C12orf42: variants seen among roughly 807,000 people sequenced by gnomAD.
C12orf42 encodes the protein uncharacterized protein C12orf42.
A neutral mutation model predicts 21.6 loss-of-function variants in C12orf42; 25 were observed. That is an observed-to-expected ratio of 1.16 (90% confidence interval 0.84 to 1.62). The LOEUF (loss-of-function observed/expected upper bound fraction) is 1.62. C12orf42 is among the 40% of genes most tolerant of loss of function. The pLI is 0.00. For synonymous variants in C12orf42, 174 were observed against 175.0 expected (o/e 0.99, Z 0.05); for missense variants, 483 against 459.3 (o/e 1.05, Z -0.47).
chr12:103,164,778 T>G, the C12orf42 span: 1 of 447,634 alleles, frequency 2.2e-6, no homozygotes, highest in Non-Finnish European at 4.5e-6. Context: ...GCTTTGATTC[T>G]GTCGTATTGA....
At chr12:103,207,613 C>A in the C12orf42 span, among the ~76,000 whole-genome samples, 1 of 152,122 alleles carries the variant, frequency 6.6e-6, no homozygotes, top group Non-Finnish European at 1.5e-5. Context: ...TGCTGGAAAA[C>A]GACTCTGCTT....
intron 2 of C12orf42, among the ~76,000 whole-genome samples, chr12:103,453,572 CTCTTA>C (rs1263858886): frequency 6.6e-6 from 1 of 151,908 alleles, no homozygotes; most frequent in African/African-American, 2.4e-5. Flanking sequence ...TTAATTTCTG[CTCTTA>C]TCTTTATCTC....
chr12:103,232,815 A>AT (rs539983785), downstream of C12orf42, among the ~76,000 whole-genome samples: 112 of 151,592 alleles, frequency 7.4e-4, no homozygotes, highest in Non-Finnish European at 1.4e-3. Flanking sequence ...GTCTAGGTTC[A>AT]TTTTTTTTGC....
chr12:103,453,538 C>A (rs530937733), intron 2 of C12orf42, among the ~76,000 whole-genome samples: 8 of 151,906 alleles, frequency 5.3e-5, no homozygotes, highest in Non-Finnish European at 2.9e-5. Flanking sequence ...GTTTAATGAG[C>A]TTTTCTGTTT....
At chr12:103,289,977 G>A (rs2036693198) in intron 4 of C12orf42, among the ~76,000 whole-genome samples, 1 of 152,112 alleles carries the variant, frequency 6.6e-6, no homozygotes, top group Admixed American at 6.5e-5. Context: ...AAAAGGGGAA[G>A]GAAGGGTAAG....
chr12:103,145,530 T>C, the C12orf42 span, among the ~76,000 whole-genome samples: 1 of 152,328 alleles, frequency 6.6e-6, no homozygotes, highest in Admixed American at 6.5e-5. Flanking sequence ...GGTAGAAGAT[T>C]AAATTGATAC....
intron 4 of C12orf42, among the ~76,000 whole-genome samples, chr12:103,296,066 A>G (rs981090964): frequency 7.5e-6 from 1 of 133,988 alleles, no homozygotes; most frequent in Non-Finnish European, 1.5e-5. Flanking sequence ...TCCTGTGTCC[A>G]AGTGTTCTCA....
the C12orf42 span, among the ~76,000 whole-genome samples, chr12:103,051,290 A>T: frequency 2.6e-5 from 4 of 152,198 alleles, no homozygotes; most frequent in African/African-American, 9.7e-5. Flanking sequence ...CATTTCTTAG[A>T]AGCACAAGCA....
At chr12:103,324,685 A>G (rs1325103414) in intron 4 of C12orf42, among the ~76,000 whole-genome samples, 1 of 152,092 alleles carries the variant, frequency 6.6e-6, no homozygotes, top group Non-Finnish European at 1.5e-5. Context: ...ACAAGTGCTC[A>G]TTTTTCCCTG....
At chr12:103,258,445 C>T (rs1490222463) in intron 10 of C12orf42, among the ~76,000 whole-genome samples, 1 of 151,962 alleles carries the variant, frequency 6.6e-6, no homozygotes, top group Admixed American at 6.6e-5. Flanking sequence ...CACCACATCA[C>T]CATTATACCA....
chr12:103,240,186 TTTC>T (rs1171312483), intron 10 of C12orf42, among the ~76,000 whole-genome samples: 1 of 152,184 alleles, frequency 6.6e-6, no homozygotes, highest in Non-Finnish European at 1.5e-5. Context: ...TCACCATGTA[TTTC>T]TTATTTGGAT....
intron 3 of C12orf42, among the ~76,000 whole-genome samples, chr12:103,387,637 A>G (rs868843910): frequency 1.3e-5 from 2 of 152,212 alleles, no homozygotes; most frequent in South Asian, 4.1e-4. Context: ...CCCATTGTAC[A>G]TTTAAACAGA....
At chr12:103,223,195 T>G in the C12orf42 span, among the ~76,000 whole-genome samples, 3 of 152,102 alleles carry the variant, frequency 2.0e-5, no homozygotes, top group African/African-American at 7.2e-5. Context: ...CGAAAATTTT[T>G]GGGGGGTGGT....
intron 2 of C12orf42, among the ~76,000 whole-genome samples, chr12:103,452,268 G>C (rs1011532060): frequency 8.5e-5 from 13 of 152,152 alleles, no homozygotes; most frequent in African/African-American, 2.9e-4. Context: ...GATTCCAAAA[G>C]CATGGAAGCA....
At chr12:103,484,432 A>G (rs1954679165) in intron 1 of C12orf42, among the ~76,000 whole-genome samples, 1 of 151,968 alleles carries the variant, frequency 6.6e-6, no homozygotes, top group Non-Finnish European at 1.5e-5. Context: ...GCATTTTTTT[A>G]TGTGTCTCTT....
At chr12:103,336,326 G>A (rs981168503) in intron 4 of C12orf42, among the ~76,000 whole-genome samples, 1 of 152,186 alleles carries the variant, frequency 6.6e-6, no homozygotes, top group Non-Finnish European at 1.5e-5. Context: ...CAGAAAGGCA[G>A]CTGATCTGGT....
the C12orf42 span, chr12:103,505,957 C>G: frequency 6.1e-6 from 1 of 164,354 alleles, no homozygotes; most frequent in African/African-American, 2.4e-5. Context: ...GGCAGAGCCC[C>G]CCATTGAGTT....
intron 5 of C12orf42, among the ~76,000 whole-genome samples, chr12:103,274,545 C>T (rs2035652873): frequency 6.6e-6 from 1 of 152,134 alleles, no homozygotes; most frequent in Non-Finnish European, 1.5e-5. Context: ...TACCCTTTCT[C>T]ACTGTGGCTG....
chr12:103,053,337 G>T, the C12orf42 span, among the ~76,000 whole-genome samples: 27 of 151,906 alleles, frequency 1.8e-4, no homozygotes, highest in East Asian at 5.2e-3. Context: ...GCTTTAATTT[G>T]TGTTTCCTTA....
Sources: gnomAD v4.1 joint callset for allele counts (sites outside exome capture counted in the v4.1 genomes callset) on GRCh38, gnomAD v4.1.1 for gene constraint, MANE v1.5 for transcripts, NCBI Gene and HGNC (gene_info 2026-07-23, HGNC 2026-07-21) for gene names.